Variants in CREB5 observed in about 807,000 individuals in gnomAD.
The protein encoded by CREB5 is cAMP responsive element binding protein 5.
Under a neutral mutation model 57.1 loss-of-function variants are expected in CREB5, and 19 were observed. The observed-to-expected ratio is 0.33, with a 90% CI of 0.23 to 0.49. CREB5 has a LOEUF of 0.49. CREB5 is among the 20% of genes least tolerant of loss of function. The pLI is 0.99. For missense variants in CREB5, 579 were observed against 671.6 expected, an observed-to-expected ratio of 0.86 and a Z score of 1.52; for synonymous variants, 238 against 238.3, an observed-to-expected ratio of 1.00 and a Z score of 0.01.
intron 4 of CREB5, among the ~76,000 whole-genome samples, chr7:28,550,391 C>T (rs1794584397): frequency 6.6e-6 from 1 of 152,200 alleles, no homozygotes; most frequent in South Asian, 2.1e-4. Context: ...TTCTAAGGGA[C>T]AGGGAGATTG....
At chr7:28,394,271 A>G (rs1482196296) in intron 1 of CREB5, among the ~76,000 whole-genome samples, 1 of 152,066 alleles carries the variant, frequency 6.6e-6, no homozygotes, top group African/African-American at 2.4e-5. Context: ...GAAAGCAAAC[A>G]AAGAAAAAGA....
intron 3 of CREB5, among the ~76,000 whole-genome samples, chr7:28,506,198 G>C (rs65266): frequency 0.72 from 110,240 of 152,060 alleles, 40,498 homozygotes; most frequent in African/African-American, 0.8. Context: ...ACCATTTTCT[G>C]CTTCATGGGT....
chr7:28,567,520 G>T (rs1166119766), intron 4 of CREB5, among the ~76,000 whole-genome samples: 2 of 152,196 alleles, frequency 1.3e-5, no homozygotes, highest in Non-Finnish European at 2.9e-5. Context: ...ATCAGATTTA[G>T]TTTCTTCTCT....
intron 1 of CREB5, among the ~76,000 whole-genome samples, chr7:28,346,452 C>T (rs988040848): frequency 1.3e-5 from 2 of 152,232 alleles, no homozygotes; most frequent in East Asian, 1.9e-4. Flanking sequence ...GACCTAATCA[C>T]TTCCCAAAGG....
At chr7:28,456,106 T>C (rs1304857897) in intron 1 of CREB5, among the ~76,000 whole-genome samples, 1 of 152,182 alleles carries the variant, frequency 6.6e-6, no homozygotes, top group Non-Finnish European at 1.5e-5. Context: ...AAATTATAAA[T>C]GGACTTTAGA....
intron 5 of CREB5, among the ~76,000 whole-genome samples, chr7:28,714,551 C>G (rs1446717947): frequency 2.0e-5 from 3 of 152,196 alleles, no homozygotes; most frequent in African/African-American, 7.2e-5. Flanking sequence ...AGACACAGTT[C>G]TGGCTTTTCA....
intron 5 of CREB5, among the ~76,000 whole-genome samples, chr7:28,691,756 G>A (rs916975482): frequency 1.2e-4 from 18 of 152,128 alleles, no homozygotes; most frequent in African/African-American, 4.3e-4. Flanking sequence ...TACTTAGTAA[G>A]CATTGGTCAG....
At chr7:28,335,128 T>C (rs907570141) in intron 1 of CREB5, among the ~76,000 whole-genome samples, 5 of 152,220 alleles carry the variant, frequency 3.3e-5, no homozygotes, top group Admixed American at 3.3e-4. Context: ...AGTCAGGTAA[T>C]GTGATTCCTC....
intron 5 of CREB5, among the ~76,000 whole-genome samples, chr7:28,601,428 C>T (rs1021781311): frequency 1.3e-5 from 2 of 152,060 alleles, no homozygotes; most frequent in African/African-American, 4.8e-5. Context: ...TAGAAGCAGC[C>T]CCTCAGGTTT....
chr7:28,715,132 C>T (rs1430079549), intron 5 of CREB5, among the ~76,000 whole-genome samples: 2 of 152,156 alleles, frequency 1.3e-5, no homozygotes, highest in South Asian at 2.1e-4. Flanking sequence ...GATTTTACTA[C>T]TTTATAGAAA....
intron 7 of CREB5, among the ~76,000 whole-genome samples, chr7:28,803,039 A>ATTTTCTTCT (rs1808463978): frequency 6.6e-6 from 1 of 152,234 alleles, no homozygotes; most frequent in Non-Finnish European, 1.5e-5. Context: ...AGAAGAAAAT[A>ATTTTCTTCT]CTGACTATCT....
chr7:28,780,224 C>T (rs998718655), intron 7 of CREB5, among the ~76,000 whole-genome samples: 1 of 152,136 alleles, frequency 6.6e-6, no homozygotes, highest in African/African-American at 2.4e-5. Flanking sequence ...CAATGAGAAG[C>T]GTAGGGGCAG....
At chr7:28,408,692 C>T (rs1288447620), upstream of CREB5, among the ~76,000 whole-genome samples, 1 of 152,120 alleles carries the variant, frequency 6.6e-6, no homozygotes, top group African/African-American at 2.4e-5. Context: ...AAGCAGGGGT[C>T]CCGCGAAGGG....
intron 7 of CREB5, among the ~76,000 whole-genome samples, chr7:28,799,821 C>T (rs1359226503): frequency 6.6e-6 from 1 of 150,468 alleles, no homozygotes; most frequent in Non-Finnish European, 1.5e-5. Context: ...ACTTTTACAG[C>T]CCATCTGCCT....
At chr7:28,689,398 G>A (rs1333504457) in intron 5 of CREB5, among the ~76,000 whole-genome samples, 1 of 152,090 alleles carries the variant, frequency 6.6e-6, no homozygotes, top group Non-Finnish European at 1.5e-5. Context: ...AACCTGGGAG[G>A]CGGAGCTTGC....
At chr7:28,560,985 CGTGTGTGTGCCT>C (rs1795229629) in intron 4 of CREB5, among the ~76,000 whole-genome samples, 1 of 27,368 alleles carries the variant, frequency 3.7e-5, no homozygotes, top group Non-Finnish European at 8.1e-5. Context: ...TGTGTGCGTG[CGTGTGTGTGCCT>C]GCGTGTGCGT....
At chr7:28,687,998 T>C (rs1394718239) in intron 5 of CREB5, among the ~76,000 whole-genome samples, 5 of 152,216 alleles carry the variant, frequency 3.3e-5, no homozygotes, top group Non-Finnish European at 2.9e-5. Context: ...GAAAGTTCTA[T>C]GTTTATATCC....
At chr7:28,305,513 T>C (rs1013049658) in intron 1 of CREB5, among the ~76,000 whole-genome samples, 1 of 152,130 alleles carries the variant, frequency 6.6e-6, no homozygotes, top group Non-Finnish European at 1.5e-5. Context: ...AAATGGACAC[T>C]TACCCCAAAG....
chr7:28,317,183 T>C (rs1197566078), intron 1 of CREB5, among the ~76,000 whole-genome samples: 2 of 152,118 alleles, frequency 1.3e-5, no homozygotes, highest in African/African-American at 4.8e-5. Context: ...AGTTTCTCCC[T>C]GTTGCATGGT....
Sources: gnomAD v4.1 joint callset for allele counts (sites outside exome capture counted in the v4.1 genomes callset) on GRCh38, gnomAD v4.1.1 for gene constraint, MANE v1.5 for transcripts, NCBI Gene and HGNC (gene_info 2026-07-23, HGNC 2026-07-21) for gene names.